ARHGAP6: variants seen among roughly 807,000 people sequenced by gnomAD.
ARHGAP6 encodes rho GTPase-activating protein 6.
A neutral mutation model predicts 55.7 loss-of-function variants in ARHGAP6; 16 were observed. That is an observed-to-expected ratio of 0.29 (90% CI 0.19 to 0.44). The LOEUF (loss-of-function observed/expected upper bound fraction) is 0.44. ARHGAP6 is among the 20% of genes least tolerant of loss of function. The pLI, the probability that ARHGAP6 is intolerant of heterozygous loss-of-function variation, is 1.00. For missense variants in ARHGAP6, 698 were observed against 808.9 expected, an observed-to-expected ratio of 0.86 and a Z score of 1.66; for synonymous variants, 382 against 360.9, an observed-to-expected ratio of 1.06 and a Z score of -0.66.
intron 2 of ARHGAP6, among the ~76,000 whole-genome samples, chrX:11,216,872 C>A (rs906064715): frequency 1.8e-5 from 2 of 110,216 alleles, no homozygotes; most frequent in Admixed American, 9.7e-5. Flanking sequence ...CCCTAGCCCT[C>A]CACCCCCGAC....
At chrX:11,185,256 AAAATT>A (rs1377574705) in intron 5 of ARHGAP6, among the ~76,000 whole-genome samples, 1 of 111,079 alleles carries the variant, frequency 9.0e-6, no homozygotes, top group African/African-American at 3.3e-5. Context: ...TAAGGTGAAA[AAAATT>A]AAAAGAACCT....
chrX:11,561,251 T>C (rs760319032), intron 1 of ARHGAP6, among the ~76,000 whole-genome samples: 3 of 112,056 alleles, frequency 2.7e-5, no homozygotes, highest in African/African-American at 9.8e-5. Flanking sequence ...AATCTCCATA[T>C]AATGGAACAC....
intron 1 of ARHGAP6, among the ~76,000 whole-genome samples, chrX:11,651,454 T>C (rs1223553682): frequency 8.9e-6 from 1 of 111,924 alleles, no homozygotes; most frequent in Non-Finnish European, 1.9e-5. Context: ...TCCATGTTCC[T>C]GCAAAGGACA....
At chrX:11,541,028 C>T (rs766521674) in intron 1 of ARHGAP6, among the ~76,000 whole-genome samples, 24 of 112,139 alleles carry the variant, frequency 2.1e-4, no homozygotes, top group African/African-American at 6.2e-4. Flanking sequence ...TCCACAGGCA[C>T]GCAAATGTTT....
intron 1 of ARHGAP6, among the ~76,000 whole-genome samples, chrX:11,430,765 G>A (rs1445710597): frequency 1.8e-5 from 2 of 111,699 alleles, no homozygotes; most frequent in East Asian, 2.8e-4. Context: ...TTGTATAAAT[G>A]TATGGGGTAA....
chrX:11,174,573 C>CCTTCCTTTCTTT (rs1491543420), intron 8 of ARHGAP6, among the ~76,000 whole-genome samples: 15 of 42,284 alleles, frequency 3.5e-4, no homozygotes, highest in South Asian at 1.5e-3. Flanking sequence ...TTCCTTCCTT[C>CCTTCCTTTCTTT]CTTTCTTTCT....
intron 1 of ARHGAP6, among the ~76,000 whole-genome samples, chrX:11,465,389 G>C (rs1462602046): frequency 2.7e-5 from 3 of 111,944 alleles, no homozygotes; most frequent in African/African-American, 9.7e-5. Context: ...ATAGAAATGT[G>C]ATACAAGCCA....
intron 1 of ARHGAP6, among the ~76,000 whole-genome samples, chrX:11,484,468 A>C (rs1053421855): frequency 1.9e-5 from 2 of 106,693 alleles, no homozygotes; most frequent in Admixed American, 2.0e-4. Flanking sequence ...AGGAAGATGA[A>C]GAGGAAGAAA....
intron 9 of ARHGAP6, among the ~76,000 whole-genome samples, chrX:11,163,415 C>T (rs1431178702): frequency 9.0e-6 from 1 of 111,548 alleles, no homozygotes; most frequent in Non-Finnish European, 1.9e-5. Context: ...ACTAAGTCAC[C>T]ACAATAAACC....
At chrX:11,156,121 T>A (rs1329496747) in intron 10 of ARHGAP6, among the ~76,000 whole-genome samples, 1 of 112,461 alleles carries the variant, frequency 8.9e-6, no homozygotes, top group African/African-American at 3.2e-5. Context: ...TGATAATGGG[T>A]TAATCCCACT....
At chrX:11,207,926 A>G (rs1462779534) in intron 2 of ARHGAP6, among the ~76,000 whole-genome samples, 3 of 111,656 alleles carry the variant, frequency 2.7e-5, no homozygotes, top group East Asian at 5.6e-4. Context: ...CTGCCTCCAT[A>G]GCCCATGTTA....
intron 1 of ARHGAP6, among the ~76,000 whole-genome samples, chrX:11,428,033 C>G (rs2049907066): frequency 8.9e-6 from 1 of 112,588 alleles, no homozygotes. Context: ...CCACCCTCCC[C>G]GGACCCGTGG....
intron 1 of ARHGAP6, among the ~76,000 whole-genome samples, chrX:11,339,916 A>C (rs141997835): frequency 8.9e-6 from 1 of 112,134 alleles, no homozygotes; most frequent in African/African-American, 3.2e-5. Flanking sequence ...TGAGAGTCAC[A>C]TCTGATTCCC....
chrX:11,571,274 G>A (rs768218568), intron 1 of ARHGAP6, among the ~76,000 whole-genome samples: 52 of 111,430 alleles, frequency 4.7e-4, no homozygotes, highest in Non-Finnish European at 8.5e-4. Flanking sequence ...GATTTTCATA[G>A]AGGGGTCACC....
At chrX:11,208,638 G>A (rs907116795) in intron 2 of ARHGAP6, among the ~76,000 whole-genome samples, 3 of 111,887 alleles carry the variant, frequency 2.7e-5, no homozygotes, top group African/African-American at 9.8e-5. Flanking sequence ...TTGTTTACCT[G>A]GAGCTTTGAG....
chrX:11,269,101 A>G (rs1331231132), intron 1 of ARHGAP6, among the ~76,000 whole-genome samples: 1 of 111,734 alleles, frequency 8.9e-6, no homozygotes, highest in Non-Finnish European at 1.9e-5. Flanking sequence ...ATCTAACAGT[A>G]TGAATGACAA....
At chrX:11,174,854 A>AT (rs112840787) in intron 8 of ARHGAP6, among the ~76,000 whole-genome samples, 3,238 of 104,291 alleles carry the variant, frequency 0.031, 163 homozygotes, top group African/African-American at 0.11. Flanking sequence ...CGCCCGGCTA[A>AT]TTTTTTTTGT....
chrX:11,303,062 G>T (rs1484143009), intron 1 of ARHGAP6, among the ~76,000 whole-genome samples: 1 of 112,395 alleles, frequency 8.9e-6, no homozygotes, highest in Non-Finnish European at 1.9e-5. Context: ...AGAGATCCTA[G>T]TATGAACAGC....
chrX:11,415,811 T>G (rs2049739852), intron 1 of ARHGAP6, among the ~76,000 whole-genome samples: 1 of 111,980 alleles, frequency 8.9e-6, no homozygotes, highest in South Asian at 3.7e-4. Context: ...TAGATACACA[T>G]GGGACAGAAT....
Sources: allele counts gnomAD v4.1 joint callset (sites outside exome capture counted in the v4.1 genomes callset), GRCh38; gene constraint gnomAD v4.1.1; transcripts MANE v1.5; gene names NCBI Gene and HGNC (gene_info 2026-07-23, HGNC 2026-07-21).